The following GPM6A variants were observed in gnomAD, a reference collection of about 807,000 sequenced individuals.
The protein encoded by GPM6A is glycoprotein M6A.
In GPM6A, 7 loss-of-function variants were observed where a neutral mutation model predicts 32.1. The observed-to-expected ratio is 0.22, with a 90% CI of 0.12 to 0.41. The LOEUF (loss-of-function observed/expected upper bound fraction) is 0.41. Among genes scored for constraint, GPM6A ranks in the 10% least tolerant of loss-of-function variants. The pLI, the probability that GPM6A is intolerant of heterozygous loss-of-function variation, is 1.00. For missense variants in GPM6A, 235 were observed against 347.2 expected (o/e 0.68, Z 2.57); for synonymous variants, 130 against 123.4 (o/e 1.05, Z -0.35).
intron 1 of GPM6A, among the ~76,000 whole-genome samples, chr4:175,730,693 C>T (rs7656509): frequency 0.14 from 20,566 of 151,948 alleles, 2,307 homozygotes; most frequent in East Asian, 0.66. Flanking sequence ...AGGATGGTCT[C>T]GATCTCCTGA....
At chr4:175,997,769 A>G (rs1561028544) in intron 1 of GPM6A, among the ~76,000 whole-genome samples, 1 of 152,218 alleles carries the variant, frequency 6.6e-6, no homozygotes, top group East Asian at 1.9e-4. Flanking sequence ...AACCAACTCC[A>G]TTGTTACTCA....
intron 1 of GPM6A, among the ~76,000 whole-genome samples, chr4:175,718,356 C>T (rs1745946029): frequency 6.6e-6 from 1 of 152,044 alleles, no homozygotes; most frequent in African/African-American, 2.4e-5. Flanking sequence ...TGGCTCACAC[C>T]TGTAATCCCA....
chr4:175,735,623 G>A (rs1484035078), intron 1 of GPM6A, among the ~76,000 whole-genome samples: 1 of 151,070 alleles, frequency 6.6e-6, no homozygotes, highest in African/African-American at 2.4e-5. Flanking sequence ...GCAGTGGTGT[G>A]ATCTCAGCTC....
intron 1 of GPM6A, among the ~76,000 whole-genome samples, chr4:175,878,917 T>C (rs1560976446): frequency 6.6e-6 from 1 of 152,206 alleles, no homozygotes; most frequent in Non-Finnish European, 1.5e-5. Flanking sequence ...AGCTGAATGC[T>C]TTTAACAGCA....
At position 175,695,410 on chromosome 4, in the gene GPM6A, G is replaced by T. The variant is rs151036133; in HGVS notation, c.230+6165C>A. 2.6e-3 allele frequency among the ~76,000 whole-genome samples: 392 copies of T among 152,324 alleles called. 5 individuals are homozygous for T. The highest frequency in any genetic ancestry group is 9.1e-3 in the African/African-American group (377 of 41,580). On this transcript the variant is annotated intron_variant, in intron 2 of 6. Transcript: ENST00000393658. The stretch of plus-strand genomic sequence containing the variant: ...AACCCTGAAAAGTCACAGGGGTAAA[G>T]CTTCCCAAAGCCTGGGGGGGCCCAA...
At chr4:175,693,708 C>A (rs2111043220) in intron 2 of GPM6A, among the ~76,000 whole-genome samples, 1 of 152,274 alleles carries the variant, frequency 6.6e-6, no homozygotes, top group East Asian at 1.9e-4. Context: ...TATCTGATAA[C>A]TGTTCAAATA....
chr4:175,914,424 T>C (rs956015787), intron 1 of GPM6A, among the ~76,000 whole-genome samples: 41 of 152,100 alleles, frequency 2.7e-4, no homozygotes, highest in African/African-American at 7.5e-4. Context: ...CGGGTTCAAG[T>C]GATTTCTCCT....
At chr4:175,952,980 A>C (rs1381215117) in intron 1 of GPM6A, among the ~76,000 whole-genome samples, 1 of 151,492 alleles carries the variant, frequency 6.6e-6, no homozygotes, top group Non-Finnish European at 1.5e-5. Context: ...CAGTGAGCCA[A>C]GATCACACTA....
At chr4:175,820,093 A>G (rs1735227127) in intron 1 of GPM6A, among the ~76,000 whole-genome samples, 1 of 152,222 alleles carries the variant, frequency 6.6e-6, no homozygotes, top group African/African-American at 2.4e-5. Context: ...TAAGCGGTTT[A>G]GCAGAAATAT....
intron 1 of GPM6A, among the ~76,000 whole-genome samples, chr4:175,798,073 G>C (rs925890081): frequency 1.3e-5 from 2 of 152,160 alleles, no homozygotes; most frequent in Non-Finnish European, 2.9e-5. Flanking sequence ...AAAAATAGGT[G>C]ATGCTTGCTA....
chr4:175,968,471 T>G (rs1436271297), intron 1 of GPM6A, among the ~76,000 whole-genome samples: 1 of 152,128 alleles, frequency 6.6e-6, no homozygotes, highest in African/African-American at 2.4e-5. Context: ...AAAGATGCTG[T>G]AAAGAGAATT....
chr4:175,925,154 T>C (rs1738791928), intron 1 of GPM6A, among the ~76,000 whole-genome samples: 1 of 152,190 alleles, frequency 6.6e-6, no homozygotes, highest in Admixed American at 6.5e-5. Context: ...AATCAGCAAC[T>C]TTTTAAAAGT....
intron 1 of GPM6A, among the ~76,000 whole-genome samples, chr4:175,887,885 T>C (rs937531654): frequency 6.6e-6 from 1 of 151,882 alleles, no homozygotes; most frequent in Non-Finnish European, 1.5e-5. Context: ...GGCCCAGATA[T>C]TATTAAATAA....
intron 4 of GPM6A, among the ~76,000 whole-genome samples, chr4:175,644,871 A>C (rs7695498): frequency 0.71 from 107,626 of 151,816 alleles, 40,884 homozygotes; most frequent in Non-Finnish European, 0.85. Flanking sequence ...CTTTAGGAGG[A>C]TGAGGCAGGC....
chr4:175,659,187 ACT>A (rs150244375), intron 3 of GPM6A, among the ~76,000 whole-genome samples: 7,500 of 150,498 alleles, frequency 0.05, 210 homozygotes, highest in Non-Finnish European at 0.061. Flanking sequence ...GGTTCAAGCG[ACT>A]CTCTTGCCTC....
chr4:175,657,035 C>T (rs1742121558), intron 3 of GPM6A, among the ~76,000 whole-genome samples: 1 of 152,140 alleles, frequency 6.6e-6, no homozygotes, highest in Non-Finnish European at 1.5e-5. Flanking sequence ...AGATTGAACT[C>T]AGGTCATTGT....
intron 1 of GPM6A, among the ~76,000 whole-genome samples, chr4:175,868,903 T>G (rs1579581424): frequency 6.6e-6 from 1 of 152,234 alleles, no homozygotes; most frequent in South Asian, 2.1e-4. Flanking sequence ...TTCAGCTTGA[T>G]CTTGTGCTAT....
At chr4:175,750,062 A>G (rs1451283531) in intron 1 of GPM6A, among the ~76,000 whole-genome samples, 2 of 151,558 alleles carry the variant, frequency 1.3e-5, no homozygotes, top group Non-Finnish European at 2.9e-5. Flanking sequence ...AAGTGAACCT[A>G]TTGCTTTTTT....
chr4:175,886,967 T>C (rs1022032670), intron 1 of GPM6A, among the ~76,000 whole-genome samples: 3 of 151,902 alleles, frequency 2.0e-5, no homozygotes, highest in Non-Finnish European at 2.9e-5. Flanking sequence ...TAAATACTAA[T>C]CAAGGAAAAG....
Sources: gnomAD v4.1 joint callset for allele counts (sites outside exome capture counted in the v4.1 genomes callset) on GRCh38, gnomAD v4.1.1 for gene constraint, MANE v1.5 for transcripts, NCBI Gene and HGNC (gene_info 2026-07-23, HGNC 2026-07-21) for gene names.